Variants in NCK1 observed in about 807,000 individuals in gnomAD.
NCK1 encodes the protein SH2/SH3 adapter protein NCK1.
Under a neutral mutation model 36.6 loss-of-function variants are expected in NCK1, and 19 were observed. The observed-to-expected ratio is 0.52, with a 90% CI of 0.36 to 0.76. The LOEUF is 0.76. Among genes scored for constraint, NCK1 ranks in the 30% least tolerant of loss-of-function variants. The probability of loss-of-function intolerance (pLI) is 0.00; values close to 1 mark genes in which losing one functional copy is unlikely to be tolerated. For synonymous variants in NCK1, 165 were observed against 156.0 expected, an observed-to-expected ratio of 1.06 and a Z score of -0.43; for missense variants, 358 against 445.6, an observed-to-expected ratio of 0.80 and a Z score of 1.77.
intron 1 of NCK1, among the ~76,000 whole-genome samples, chr3:136,920,908 C>T (rs573459128): frequency 2.0e-5 from 3 of 152,212 alleles, no homozygotes; most frequent in African/African-American, 7.2e-5. Context: ...TTTTAAATTT[C>T]TAAAAAATTG....
In NCK1 at chr3:136,948,399, A is replaced by G. The variant is rs376214936; in HGVS notation, c.1080A>G (p.Pro360=). ...TTGTAGAACATTACAAAAAGGCACC[A>G]ATTTTTACAAGTGAACAAGGAGAAA... ...EELVEHYKKA[P]IFTSEQGEKL... Residue 360 remains proline, a synonymous_variant, in exon 4 of 4, where the codon CCA becomes CCG. Coordinates refer to ENST00000481752, the MANE Select transcript of NCK1 (RefSeq NM_001291999.2). 4.5e-5 allele frequency: 73 copies of G among 1,613,046 alleles called. No homozygotes were observed. The highest frequency in any genetic ancestry group is 5.9e-5 in the Non-Finnish European group (69 of 1,179,320).
chr3:136,895,904 A>T (rs890363627), intron 1 of NCK1, among the ~76,000 whole-genome samples: 3 of 152,052 alleles, frequency 2.0e-5, no homozygotes, highest in Non-Finnish European at 4.4e-5. Context: ...AAATGAGTTA[A>T]ATTCATTCAC....
At chr3:136,912,245 C>T (rs1483598819) in intron 1 of NCK1, among the ~76,000 whole-genome samples, 3 of 149,822 alleles carry the variant, frequency 2.0e-5, no homozygotes, top group East Asian at 1.9e-4. Context: ...TCACTGCAAC[C>T]TCTGCCTTCC....
At chr3:136,917,519 TC>T (rs1228131390) in intron 1 of NCK1, among the ~76,000 whole-genome samples, 1 of 152,192 alleles carries the variant, frequency 6.6e-6, no homozygotes, top group Non-Finnish European at 1.5e-5. Context: ...TAGACCATCT[TC>T]CTAGTGCCCT....
At chr3:136,876,931 A>T (rs1010037800) in intron 1 of NCK1, among the ~76,000 whole-genome samples, 1 of 152,212 alleles carries the variant, frequency 6.6e-6, no homozygotes, top group Non-Finnish European at 1.5e-5. Context: ...CCAAACTGCT[A>T]TTTAGAAAAG....
At chr3:136,941,116 CTTTTTTTTT>C (rs34776608) in intron 2 of NCK1, among the ~76,000 whole-genome samples, 32 of 100,076 alleles carry the variant, frequency 3.2e-4, no homozygotes, top group African/African-American at 1.1e-3. Flanking sequence ...ATTTCTTTTT[CTTTTTTTTT>C]TTTTTTTTTG....
intron 1 of NCK1, among the ~76,000 whole-genome samples, chr3:136,883,110 A>G (rs1206296462): frequency 1.3e-5 from 2 of 152,066 alleles, no homozygotes; most frequent in Non-Finnish European, 2.9e-5. Context: ...TAGTAGACAC[A>G]GGGTTTACCA....
chr3:136,887,916 T>C (rs1201498622), intron 1 of NCK1, among the ~76,000 whole-genome samples: 1 of 151,650 alleles, frequency 6.6e-6, no homozygotes, highest in Non-Finnish European at 1.5e-5. Flanking sequence ...ATCGCCTTTA[T>C]TGTTTCTTTT....
At position 136,867,101 on chromosome 3, in the gene NCK1, TTTCTTTCTTTCTTTCTTTGTTTC is replaced by T. The variant is rs1221617367; in HGVS notation, c.-19+4751_-19+4773del. ...CTTTCTTTCTTTCTTTCTTTCTTTC[TTTCTTTCTTTCTTTCTTTGTTTC>T]TTTCTTTCCTTCCTTCCTTCCTTCC... On this transcript the variant is annotated intron_variant, in intron 1 of 3. Transcript: ENST00000481752. Among the ~76,000 whole-genome samples, 30 of 33,598 alleles carry T rather than the reference TTTCTTTCTTTCTTTCTTTGTTTC, an allele frequency of 8.9e-4. 4 individuals carry two copies. Among genetic ancestry groups the T allele is most frequent in the African/African-American group, 3.1e-3 (27 of 8,598 alleles). The allele number at this position is 33,598 out of a possible 152,430, so 22.0% of individuals were successfully genotyped here.
At chr3:136,879,059 A>G (rs1028771151) in intron 1 of NCK1, among the ~76,000 whole-genome samples, 1 of 152,090 alleles carries the variant, frequency 6.6e-6, no homozygotes, top group Non-Finnish European at 1.5e-5. Context: ...ATCACCAGAC[A>G]TGTGAAGAAA....
At chr3:136,888,635 C>G (rs1939139903) in intron 1 of NCK1, among the ~76,000 whole-genome samples, 1 of 151,734 alleles carries the variant, frequency 6.6e-6, no homozygotes, top group African/African-American at 2.4e-5. Flanking sequence ...ATCTCTTGAC[C>G]TCGCGAGCCA....
chr3:136,876,443 C>T (rs912912473), intron 1 of NCK1, among the ~76,000 whole-genome samples: 1 of 152,016 alleles, frequency 6.6e-6, no homozygotes, highest in African/African-American at 2.4e-5. Context: ...ATCAAATAGA[C>T]ACAATAAAAA....
chr3:136,895,635 G>T (rs1939374113), intron 1 of NCK1, among the ~76,000 whole-genome samples: 1 of 152,058 alleles, frequency 6.6e-6, no homozygotes. Flanking sequence ...CACAATCTCG[G>T]CTCACTGCAA....
intron 2 of NCK1, 88 bp downstream of exon 2, chr3:136,928,315 A>C: frequency 7.7e-7 from 1 of 1,298,638 alleles, no homozygotes; most frequent in Non-Finnish European, 1.0e-6. Context: ...AGCAGTGTGC[A>C]TAATTGACTT....
Position 136,889,044 on chromosome 3 carries a change from A to ATTTTTTTTTT in NCK1, c.-19+26712_-19+26721dup, listed in dbSNP as rs58385753. The ATTTTTTTTTT allele has an allele frequency of 9.3e-4, 85 of 91,204 alleles. 5 individuals are homozygous for ATTTTTTTTTT. Among genetic ancestry groups the ATTTTTTTTTT allele is most frequent in the African/African-American group, 1.4e-3 (34 of 23,692 alleles). 5.6% of individuals were successfully genotyped at this position (91,204 alleles called of 1,614,324 possible). A position where few individuals can be genotyped will look rare whatever the true frequency, so the allele number is the denominator to read the frequency against. On this transcript the variant is annotated intron_variant, in intron 1 of 3. Transcript: ENST00000481752. ...GCCACCATGCCAGGCTAATTTTTTGATTTTTTTTTTTTTTTTTTTTTTTTT... is the reference window on the plus strand; with the variant it reads ...GCCACCATGCCAGGCTAATTTTTTGATTTTTTTTTTTTTTTTTTTTTTTTTTTTTTTTTTT...
At chr3:136,893,305 C>T (rs1939305765) in intron 1 of NCK1, among the ~76,000 whole-genome samples, 1 of 150,724 alleles carries the variant, frequency 6.6e-6, no homozygotes, top group Admixed American at 6.7e-5. Context: ...GCGCCATCCA[C>T]GTCAACATCT....
intron 1 of NCK1, among the ~76,000 whole-genome samples, chr3:136,864,761 CTTTT>C (rs747974189): frequency 1.8e-5 from 2 of 108,610 alleles, no homozygotes; most frequent in Admixed American, 1.1e-4. Flanking sequence ...TTTTTCTTTT[CTTTT>C]TTTTTTTTTT....
At chr3:136,948,204 A>AG (rs1940877622) in intron 3 of NCK1, 55 bp from the exon 4 acceptor site, 2 of 1,355,944 alleles carry the variant, frequency 1.5e-6, no homozygotes, top group African/African-American at 3.0e-5. Context: ...ATATAAAAAT[A>AG]CTGATAGAGG....
At chr3:136,888,055 C>T (rs755763292) in intron 1 of NCK1, among the ~76,000 whole-genome samples, 3 of 151,964 alleles carry the variant, frequency 2.0e-5, no homozygotes, top group Non-Finnish European at 4.4e-5. Flanking sequence ...AGCTATTCTC[C>T]TGCCTCAGCC....
Sources: gnomAD v4.1 joint callset for allele counts (sites outside exome capture counted in the v4.1 genomes callset) on GRCh38, gnomAD v4.1.1 for gene constraint, MANE v1.5 for transcripts, NCBI Gene and HGNC (gene_info 2026-07-23, HGNC 2026-07-21) for gene names.